The following GPRIN3 variants were observed in gnomAD, a reference collection of about 807,000 sequenced individuals.
GPRIN3 encodes the protein GPRIN family member 3, also known as G protein-regulated inducer of neurite outgrowth 3.
A neutral mutation model predicts 13.7 loss-of-function variants in GPRIN3; 12 were observed. The ratio of observed to expected loss-of-function variants is 0.87; its 90% confidence interval spans 0.56 to 1.42. The LOEUF (loss-of-function observed/expected upper bound fraction) is 1.42. GPRIN3 is among the 40% of genes most tolerant of loss of function. The pLI is 0.00. For synonymous variants in GPRIN3, 377 were observed against 372.7 expected, an observed-to-expected ratio of 1.01 and a Z score of -0.13; for missense variants, 1,009 against 958.7, an observed-to-expected ratio of 1.05 and a Z score of -0.69.
chr4:89,286,093 A>G (rs75736608), intron 1 of GPRIN3, among the ~76,000 whole-genome samples: 6,043 of 33,380 alleles, frequency 0.18, 163 homozygotes, highest in East Asian at 0.38. Context: ...GTGTGTGTGT[A>G]TATATATATA....
chr4:89,270,565 T>TATATATATA (rs1553951326), intron 1 of GPRIN3, among the ~76,000 whole-genome samples: 1 of 82,348 alleles, frequency 1.2e-5, no homozygotes, highest in African/African-American at 5.4e-5. Flanking sequence ...TGTATATAAT[T>TATATATATA]TATATATATA....
chr4:89,247,144 C>T lies in GPRIN3; in HGVS notation c.*636G>A, dbSNP rs1350394509. ...ATAACTTTCTTATATTTATTAACAG[C>T]AATAAGAAGGTTTATAAAAAGAGTT... On this transcript the variant is annotated 3_prime_UTR_variant, in exon 2 of 2. Transcript: ENST00000609438. The T allele has an allele frequency of 6.6e-6, 1 of 152,000 alleles. No individual in the cohort carries two copies. The highest frequency in any genetic ancestry group is 1.5e-5 in the Non-Finnish European group (1 of 68,014). The allele number at this position is 152,000 out of a possible 1,614,324, so 9.4% of individuals were successfully genotyped here.
intron 1 of GPRIN3, among the ~76,000 whole-genome samples, chr4:89,271,183 T>G (rs563369458): frequency 6.6e-6 from 1 of 152,148 alleles, no homozygotes; most frequent in Non-Finnish European, 1.5e-5. Flanking sequence ...ACAATAATCC[T>G]AGGAGGTAGA....
At chr4:89,294,259 A>C (rs1215461266) in intron 1 of GPRIN3, among the ~76,000 whole-genome samples, 2 of 152,206 alleles carry the variant, frequency 1.3e-5, no homozygotes, top group Non-Finnish European at 2.9e-5. Context: ...TAAAATTTTG[A>C]AAACAGGCTG....
intron 1 of GPRIN3, among the ~76,000 whole-genome samples, chr4:89,280,363 A>T (rs537044643): frequency 1.8e-4 from 28 of 152,358 alleles, no homozygotes; most frequent in Middle Eastern, 6.8e-3. Flanking sequence ...CCCAGAATTA[A>T]AATCCTTTTA....
At chr4:89,252,051 C>T (rs1259473797) in intron 1 of GPRIN3, among the ~76,000 whole-genome samples, 1 of 151,842 alleles carries the variant, frequency 6.6e-6, no homozygotes, top group Non-Finnish European at 1.5e-5. Flanking sequence ...TGGCTCACTG[C>T]AGCCTCGACC....
At chr4:89,283,887 C>T (rs2149281003) in intron 1 of GPRIN3, among the ~76,000 whole-genome samples, 1 of 152,192 alleles carries the variant, frequency 6.6e-6, no homozygotes, top group African/African-American at 2.4e-5. Context: ...AAGGGTGTGA[C>T]AAAGTAAAAC....
At chr4:89,272,336 T>G (rs888481902) in intron 1 of GPRIN3, among the ~76,000 whole-genome samples, 1 of 152,180 alleles carries the variant, frequency 6.6e-6, no homozygotes, top group African/African-American at 2.4e-5. Context: ...ATTGCTGGTG[T>G]TGGGCACTGA....
At chr4:89,279,965 C>T (rs1390349938) in intron 1 of GPRIN3, among the ~76,000 whole-genome samples, 2 of 152,178 alleles carry the variant, frequency 1.3e-5, no homozygotes, top group East Asian at 3.9e-4. Context: ...TTTAGAAGTC[C>T]TATTGATATC....
rs76088718 is a variant in GPRIN3 at position 89,305,608 on chromosome 4, T to C, written c.-124+2007A>G. On this transcript the variant is annotated intron_variant, in intron 1 of 1. Coordinates refer to ENST00000609438, the MANE Select transcript of GPRIN3 (RefSeq NM_198281.3). ...CTCTGAGCCCAACATTTTATAATTT[T>C]GTGATTCCAAGACCAATATTTCCGT... 2.1e-4 allele frequency among the ~76,000 whole-genome samples: 32 copies of C among 152,342 alleles called. No individual in the cohort carries two copies. In the East Asian group the frequency reaches 6.2e-3, roughly 29 times the overall value.
At position 89,248,895 on chromosome 4, in the gene GPRIN3, G is replaced by A. The variant is rs35246727; in HGVS notation, c.1216C>T (p.Arg406Trp). The change falls in exon 2 of 2, where the codon CGG becomes TGG. Residue 406 changes from arginine to tryptophan, a missense_variant. By Grantham distance (101) the Arg-to-Trp change is moderately radical (BLOSUM62 -3). Coordinates refer to ENST00000609438, the MANE Select transcript of GPRIN3 (RefSeq NM_198281.3). ...AAAAESTAFQ[R>W]ENKLASLPGG... ...GGTAGGCTCGCAAGTTTATTTTCCCGTTGGAAAGCTGTAGACTCAGCTGCA... is the reference window on the plus strand; with the variant it reads ...GGTAGGCTCGCAAGTTTATTTTCCCATTGGAAAGCTGTAGACTCAGCTGCA... The A allele has an allele frequency of 6.3e-4, 1,010 of 1,614,138 alleles. 5 individuals are homozygous for A. The African/African-American group carries it at 0.012, about 19-fold the overall frequency.
chr4:89,298,783 C>T (rs1724811791), intron 1 of GPRIN3, among the ~76,000 whole-genome samples: 1 of 152,066 alleles, frequency 6.6e-6, no homozygotes, highest in African/African-American at 2.4e-5. Context: ...TTCTATCTCT[C>T]ACCTCCTAAA....
chr4:89,259,116 T>C (rs950664916), intron 1 of GPRIN3, among the ~76,000 whole-genome samples: 3 of 152,176 alleles, frequency 2.0e-5, no homozygotes, highest in African/African-American at 7.2e-5. Context: ...AATCCCAATC[T>C]AAAGACTACC....
intron 1 of GPRIN3, among the ~76,000 whole-genome samples, chr4:89,261,996 C>A (rs1723643126): frequency 6.6e-6 from 1 of 151,764 alleles, no homozygotes; most frequent in Non-Finnish European, 1.5e-5. Context: ...GTGGCACGCG[C>A]CTGTGGTCCC....
intron 1 of GPRIN3, among the ~76,000 whole-genome samples, chr4:89,262,591 G>T (rs1723662532): frequency 6.6e-6 from 1 of 152,148 alleles, no homozygotes; most frequent in African/African-American, 2.4e-5. Flanking sequence ...TCTTTGCTGT[G>T]CAGGGAGGTC....
chr4:89,270,966 C>T (rs58148921), intron 1 of GPRIN3, among the ~76,000 whole-genome samples: 2,542 of 152,022 alleles, frequency 0.017, 76 homozygotes, highest in African/African-American at 0.059. Flanking sequence ...GGATAGGTAC[C>T]GTGGTCAGGC....
rs1462693058 is a variant in GPRIN3, at chr4:89,240,457, A to G, written c.*7323T>C. The G allele has an allele frequency of 6.6e-6, 1 of 152,194 alleles. No individual in the cohort carries two copies. The highest frequency in any genetic ancestry group is 1.5e-5 in the Non-Finnish European group (1 of 68,032). The allele number at this position is 152,194 out of a possible 1,614,324, so 9.4% of individuals were successfully genotyped here. On this transcript the variant is annotated 3_prime_UTR_variant, in exon 2 of 2. Transcript: ENST00000609438. Reference sequence around the variant, plus strand: ...TCATATCCACTTTGAGTGATTATACATGCTTGAAATCTAGGGATCCATTTC... The same window carrying G: ...TCATATCCACTTTGAGTGATTATACGTGCTTGAAATCTAGGGATCCATTTC...
intron 1 of GPRIN3, among the ~76,000 whole-genome samples, chr4:89,283,385 T>C (rs1345438347): frequency 2.6e-5 from 4 of 152,316 alleles, no homozygotes; most frequent in Non-Finnish European, 1.5e-5. Flanking sequence ...GAATGACTCA[T>C]TCCAACTTTT....
chr4:89,305,444 C>T (rs906731427), intron 1 of GPRIN3, among the ~76,000 whole-genome samples: 3 of 152,090 alleles, frequency 2.0e-5, no homozygotes, highest in African/African-American at 7.2e-5. Context: ...AGGACCATGT[C>T]CAGTCCAGGA....
Sources: allele counts gnomAD v4.1 joint callset (sites outside exome capture counted in the v4.1 genomes callset), GRCh38; gene constraint gnomAD v4.1.1; transcripts MANE v1.5; gene names NCBI Gene and HGNC (gene_info 2026-07-23, HGNC 2026-07-21).